The following ANK3 variants were observed in gnomAD, a reference collection of about 807,000 sequenced individuals.
The protein encoded by ANK3 is ankyrin-3.
ANK3 carries 57 observed loss-of-function variants against 370.9 expected under a neutral mutation model. That is an observed-to-expected ratio of 0.15 (90% CI 0.12 to 0.19). ANK3 has a LOEUF of 0.19. ANK3 is among the 10% of genes least tolerant of loss of function. The probability of loss-of-function intolerance (pLI) is 1.00; values close to 1 mark genes in which losing one functional copy is unlikely to be tolerated. For synonymous variants in ANK3, 1,929 were observed against 1,946.3 expected (o/e 0.99, Z 0.23); for missense variants, 4,439 against 5,302.1 (o/e 0.84, Z 5.06).
At chr10:60,283,333 G>GTT (rs199551146) in intron 1 of ANK3, among the ~76,000 whole-genome samples, 5 of 151,802 alleles carry the variant, frequency 3.3e-5, no homozygotes, top group Admixed American at 3.3e-4. Context: ...TCTATAGCTG[G>GTT]TTTTTTTAAC....
intron 2 of ANK3, among the ~76,000 whole-genome samples, chr10:60,444,794 G>C (rs1331173221): frequency 1.3e-5 from 2 of 152,088 alleles, no homozygotes; most frequent in African/African-American, 4.8e-5. Flanking sequence ...TACATGGTAA[G>C]AGTTGTGGGT....
Position 60,139,060 on chromosome 10 carries a change from T to C in ANK3, c.2642A>G (p.Asp881Gly), listed in dbSNP as rs748282003. Reference sequence around the variant, plus strand: ...AAGGTCCTGTGGCCCAAGATATTTGTCTGTGTCCCCGGTCATTGCATCTTC... The same window carrying C: ...AAGGTCCTGTGGCCCAAGATATTTGCCTGTGTCCCCGGTCATTGCATCTTC... Reference protein sequence around the residue: ...EGEDAMTGDTDKYLGPQDLKE... With the variant: ...EGEDAMTGDTGKYLGPQDLKE... Residue 881 changes from aspartate (D) to glycine (G), a missense_variant, in exon 24 of 44, where the codon GAC becomes GGC. Physicochemically the swap from Asp to Gly is moderately conservative, Grantham distance 94. This residue lies in a region of ANK3 where 702 missense variants were observed against 941.5 expected (regional missense o/e 0.75). Transcript: ENST00000280772. 1 of 1,613,750 alleles carries C rather than the reference T, an allele frequency of 6.2e-7. No individual in the cohort carries two copies. The highest frequency in any genetic ancestry group is 2.2e-5 in the East Asian group (1 of 44,848).
intron 28 of ANK3, among the ~76,000 whole-genome samples, chr10:60,091,686 A>G (rs1019962096): frequency 2.0e-5 from 3 of 151,920 alleles, no homozygotes; most frequent in Non-Finnish European, 2.9e-5. Flanking sequence ...ATGCACAGCA[A>G]TGTGCACAGG....
chr10:60,106,182 T>C (rs2092141789), intron 27 of ANK3, 123 bp from the exon 28 acceptor site: 1 of 850,632 alleles, frequency 1.2e-6, no homozygotes, highest in Non-Finnish European at 1.7e-6. Context: ...TTGGGAATGA[T>C]TTCAAAGCTG....
intron 1 of ANK3, among the ~76,000 whole-genome samples, chr10:60,290,232 T>C (rs2041023929): frequency 6.6e-6 from 1 of 152,196 alleles, no homozygotes; most frequent in Non-Finnish European, 1.5e-5. Context: ...TTGATATTTC[T>C]CTTTTTAAGA....
chr10:60,162,426 G>GTGTAAT (rs1183863146), intron 23 of ANK3, among the ~76,000 whole-genome samples: 5 of 152,122 alleles, frequency 3.3e-5, no homozygotes, highest in African/African-American at 1.2e-4. Context: ...TACCTCATCA[G>GTGTAAT]TGTAATGGCA....
intron 1 of ANK3, among the ~76,000 whole-genome samples, chr10:60,293,729 C>A (rs1211382395): frequency 6.6e-6 from 1 of 152,178 alleles, no homozygotes; most frequent in Non-Finnish European, 1.5e-5. Flanking sequence ...TAAAATCTGG[C>A]AGTCTGCGGA....
At chr10:60,207,063 C>G (rs548979652) in intron 10 of ANK3, among the ~76,000 whole-genome samples, 5 of 152,292 alleles carry the variant, frequency 3.3e-5, no homozygotes, top group African/African-American at 1.2e-4. Flanking sequence ...ATTTCCTTTC[C>G]TCCCTTCTCA....
At chr10:60,221,803 C>T (rs958235256) in intron 8 of ANK3, among the ~76,000 whole-genome samples, 23 of 152,208 alleles carry the variant, frequency 1.5e-4, no homozygotes, top group African/African-American at 5.5e-4. Flanking sequence ...TGCAGCCACT[C>T]TTAGCCTTCC....
At chr10:60,592,739 G>C (rs1287582788) in intron 2 of ANK3, among the ~76,000 whole-genome samples, 4 of 152,114 alleles carry the variant, frequency 2.6e-5, no homozygotes, top group Admixed American at 2.0e-4. Context: ...ATCCAGCCTG[G>C]GCGACAGAGT....
chr10:60,552,565 G>A (rs1156835587), intron 2 of ANK3, among the ~76,000 whole-genome samples: 2 of 152,196 alleles, frequency 1.3e-5, no homozygotes, highest in African/African-American at 2.4e-5. Context: ...TGCTGTTCAT[G>A]TATCAGTCAT....
intron 1 of ANK3, among the ~76,000 whole-genome samples, chr10:60,327,258 G>C (rs2050128909): frequency 6.6e-6 from 1 of 152,130 alleles, no homozygotes; most frequent in Non-Finnish European, 1.5e-5. Flanking sequence ...GGTGCACATG[G>C]ATTTAGCAAA....
rs757315937 is a variant in ANK3 at position 60,074,441 on chromosome 10, G to C, written c.6440C>G (p.Thr2147Ser). The C allele has an allele frequency of 1.2e-6, 2 of 1,614,122 alleles. No individual in the cohort carries two copies. Among genetic ancestry groups the C allele is most frequent in the East Asian group, 4.5e-5 (2 of 44,864 alleles). ...TPSAPQSAES[T>S]GPKPLFHEVP... ...TTCATGAAAAAGTGGTTTAGGACCA[G>C]TGCTTTCAGCGCTTTGTGGGGCTGA... The change falls in exon 37 of 44, where the codon ACT becomes AGT. Residue 2147 changes from threonine to serine, a missense_variant. By Grantham distance (58) the Thr-to-Ser change is moderately conservative. Transcript: ENST00000280772.
At position 60,220,947 on chromosome 10, in the gene ANK3, A is replaced by T. The variant is rs191779262; in HGVS notation, c.898-7437T>A. On this transcript the variant is annotated intron_variant, in intron 8 of 43. Transcript: ENST00000280772. The stretch of plus-strand genomic sequence containing the variant: ...CTGCACTCATTCATCCTTGAAAATT[A>T]TCTTCCACAAAGCAAAATGCTACAT... Among the ~76,000 whole-genome samples the T allele has an allele frequency of 2.6e-3, 394 of 152,338 alleles. 6 individuals are homozygous for T. The highest frequency in any genetic ancestry group is 4.4e-3 in the Non-Finnish European group (298 of 68,032).
At chr10:60,384,344 A>G (rs1286040015) in intron 1 of ANK3, among the ~76,000 whole-genome samples, 1 of 152,242 alleles carries the variant, frequency 6.6e-6, no homozygotes, top group Non-Finnish European at 1.5e-5. Flanking sequence ...TGCAGAGGGT[A>G]AGAAAAACAG....
intron 8 of ANK3, among the ~76,000 whole-genome samples, chr10:60,222,412 T>C (rs1779921185): frequency 7.9e-6 from 1 of 126,608 alleles, no homozygotes; most frequent in Admixed American, 8.4e-5. Flanking sequence ...TGATTCACAC[T>C]TAATTCAGTT....
At chr10:60,088,028 T>A in intron 29 of ANK3, 119 bp downstream of exon 29, 1 of 777,178 alleles carries the variant, frequency 1.3e-6, no homozygotes. Context: ...GGTAAATGAT[T>A]CCCCAAACGG....
chr10:60,590,856 T>C (rs2077899790), intron 2 of ANK3, among the ~76,000 whole-genome samples: 1 of 152,254 alleles, frequency 6.6e-6, no homozygotes, highest in Admixed American at 6.5e-5. Flanking sequence ...ACTTGTATTT[T>C]TATTGTTGTA....
At chr10:60,446,291 C>T (rs956861230) in intron 2 of ANK3, among the ~76,000 whole-genome samples, 8 of 152,152 alleles carry the variant, frequency 5.3e-5, no homozygotes, top group African/African-American at 1.7e-4. Context: ...CCAGAGCCAA[C>T]TAAGTTTAAG....
Sources: allele counts gnomAD v4.1 joint callset (sites outside exome capture counted in the v4.1 genomes callset), GRCh38; gene constraint gnomAD v4.1.1; regional missense constraint gnomAD v4.1.1; transcripts MANE v1.5; gene names NCBI Gene and HGNC (gene_info 2026-07-23, HGNC 2026-07-21).